Variants in CCBE1 observed in about 807,000 individuals in gnomAD.
The protein encoded by CCBE1 is collagen and calcium-binding EGF domain-containing protein 1.
CCBE1 carries 37 observed loss-of-function variants against 50.0 expected under a neutral mutation model. The observed-to-expected ratio is 0.74, with a 90% CI of 0.57 to 0.97. The LOEUF is 0.97. Among genes scored for constraint, CCBE1 ranks in the 50% least tolerant of loss-of-function variants. The probability of loss-of-function intolerance (pLI) is 0.00; values close to 1 mark genes in which losing one functional copy is unlikely to be tolerated. For synonymous variants in CCBE1, 234 were observed against 203.7 expected (o/e 1.15, Z -1.27); for missense variants, 538 against 523.8 (o/e 1.03, Z -0.26).
At chr18:59,601,634 G>A (rs2144561461) in intron 2 of CCBE1, among the ~76,000 whole-genome samples, 1 of 152,320 alleles carries the variant, frequency 6.6e-6, no homozygotes, top group African/African-American at 2.4e-5. Flanking sequence ...TTGAGCTCAA[G>A]TGAACCACCC....
intron 5 of CCBE1, among the ~76,000 whole-genome samples, chr18:59,457,561 C>T (rs767369817): frequency 5.9e-5 from 9 of 152,120 alleles, no homozygotes; most frequent in Non-Finnish European, 1.0e-4. Flanking sequence ...AGATGGGAGG[C>T]GATGCCCAGC....
At chr18:59,682,577 ATTAAATGCCATGCTG>A (rs1443178581) in intron 2 of CCBE1, among the ~76,000 whole-genome samples, 1 of 152,238 alleles carries the variant, frequency 6.6e-6, no homozygotes, top group Non-Finnish European at 1.5e-5. Flanking sequence ...CCTCCATACA[ATTAAATGCCATGCTG>A]TGAAATACCA....
At chr18:59,603,402 C>T (rs1448487304) in intron 2 of CCBE1, among the ~76,000 whole-genome samples, 1 of 152,174 alleles carries the variant, frequency 6.6e-6, no homozygotes, top group Non-Finnish European at 1.5e-5. Context: ...TCACTCACCT[C>T]TACCCCTGTG....
intron 2 of CCBE1, among the ~76,000 whole-genome samples, chr18:59,534,158 G>C (rs1277156673): frequency 6.6e-6 from 1 of 152,094 alleles, no homozygotes; most frequent in African/African-American, 2.4e-5. Flanking sequence ...AATGATAAAT[G>C]AATGTTTGAC....
intron 2 of CCBE1, among the ~76,000 whole-genome samples, chr18:59,630,324 C>T (rs1299767633): frequency 6.6e-6 from 1 of 151,024 alleles, no homozygotes; most frequent in East Asian, 1.9e-4. Flanking sequence ...CTTTTTATAA[C>T]ACATTTGTGT....
intron 5 of CCBE1, among the ~76,000 whole-genome samples, chr18:59,456,859 G>A (rs1347935662): frequency 6.6e-6 from 1 of 152,182 alleles, no homozygotes; most frequent in Non-Finnish European, 1.5e-5. Flanking sequence ...CTCTCAGACT[G>A]TGCACCTTCA....
chr18:59,584,800 G>A lies in CCBE1; in HGVS notation c.213-104562C>T, dbSNP rs143688747. Among the ~76,000 whole-genome samples, 238 of 152,274 alleles carry A rather than the reference G, an allele frequency of 1.6e-3. 2 individuals carry two copies. The highest frequency in any genetic ancestry group is 2.9e-3 in the Non-Finnish European group (197 of 68,018). On this transcript the variant is annotated intron_variant, in intron 2 of 10. Transcript: ENST00000439986. ...CTCTGAATAGCCTGCAGAACTGCAA[G>A]CCAATTAAACCTCTTTTCTTTATAA...
intron 2 of CCBE1, among the ~76,000 whole-genome samples, chr18:59,551,340 A>G (rs2851864): frequency 0.67 from 101,254 of 152,140 alleles, 33,948 homozygotes; most frequent in East Asian, 0.79. Context: ...CCTATAGAGG[A>G]TACTAACCAT....
intron 10 of CCBE1, 87 bp downstream of exon 10, chr18:59,438,024 T>G: frequency 7.2e-7 from 1 of 1,382,266 alleles, no homozygotes; most frequent in East Asian, 2.3e-5. Context: ...GGGGCGGGCT[T>G]TTGCTACTAG....
intron 2 of CCBE1, among the ~76,000 whole-genome samples, chr18:59,584,503 T>G (rs981607848): frequency 6.7e-6 from 1 of 148,994 alleles, no homozygotes; most frequent in African/African-American, 2.5e-5. Flanking sequence ...AGTATAATAA[T>G]AATAAAAAAA....
chr18:59,524,846 G>A (rs947077107), intron 2 of CCBE1, among the ~76,000 whole-genome samples: 6 of 152,182 alleles, frequency 3.9e-5, no homozygotes, highest in Admixed American at 6.5e-5. Flanking sequence ...AACATGTGGT[G>A]TTTGGTTTTC....
chr18:59,450,892 G>A (rs1241348663), intron 6 of CCBE1, among the ~76,000 whole-genome samples: 1 of 152,144 alleles, frequency 6.6e-6, no homozygotes, highest in Non-Finnish European at 1.5e-5. Flanking sequence ...TTATAGAGTA[G>A]CAGAGGAAAC....
chr18:59,569,503 T>C (rs770707754), intron 2 of CCBE1, among the ~76,000 whole-genome samples: 5 of 152,098 alleles, frequency 3.3e-5, no homozygotes, highest in Non-Finnish European at 5.9e-5. Flanking sequence ...GAAAACAGAA[T>C]GTCAAAGAGG....
At chr18:59,644,673 G>A (rs2054031908) in intron 2 of CCBE1, among the ~76,000 whole-genome samples, 1 of 152,148 alleles carries the variant, frequency 6.6e-6, no homozygotes, top group South Asian at 2.1e-4. Context: ...ACAATGTGTG[G>A]GGAAATGTCT....
At chr18:59,515,598 T>C (rs1391648682) in intron 2 of CCBE1, among the ~76,000 whole-genome samples, 1 of 152,232 alleles carries the variant, frequency 6.6e-6, no homozygotes, top group Non-Finnish European at 1.5e-5. Context: ...TTAAGTTTGA[T>C]GAAAATTAAT....
chr18:59,558,128 G>A (rs576083773), intron 2 of CCBE1, among the ~76,000 whole-genome samples: 3 of 152,262 alleles, frequency 2.0e-5, no homozygotes, highest in South Asian at 2.1e-4. Context: ...AACATCATTC[G>A]CAATTCGCTA....
rs574652141 is a variant in CCBE1 at position 59,522,333 on chromosome 18, AAAG to A, written c.213-42098_213-42096del. On this transcript the variant is annotated intron_variant, in intron 2 of 10. Transcript: ENST00000439986. ...AATTTTACCATCGGCTAATTGACATAAAGAAGAGGTAAGTTTCTATAGCATGTT... is the reference window on the plus strand; with the variant it reads ...AATTTTACCATCGGCTAATTGACATAAAGAGGTAAGTTTCTATAGCATGTT... 1.5e-4 allele frequency among the ~76,000 whole-genome samples: 23 copies of A among 152,340 alleles called. 1 individual carries two copies. The highest frequency in any genetic ancestry group is 5.5e-4 in the African/African-American group (23 of 41,572).
At chr18:59,661,700 G>A (rs370106373) in intron 2 of CCBE1, among the ~76,000 whole-genome samples, 3 of 152,178 alleles carry the variant, frequency 2.0e-5, no homozygotes, top group African/African-American at 7.2e-5. Context: ...CGGCATGGTG[G>A]TTCATGCCTG....
chr18:59,543,834 CA>C (rs10678902), intron 2 of CCBE1, among the ~76,000 whole-genome samples: 18,090 of 68,634 alleles, frequency 0.26, 307 homozygotes, highest in Non-Finnish European at 0.28. Context: ...GACTCCGTCT[CA>C]AAAAAAAAAA....
Sources: gnomAD v4.1 joint callset for allele counts (sites outside exome capture counted in the v4.1 genomes callset) on GRCh38, gnomAD v4.1.1 for gene constraint, MANE v1.5 for transcripts, NCBI Gene and HGNC (gene_info 2026-07-23, HGNC 2026-07-21) for gene names.